RALYL: variants seen among roughly 807,000 people sequenced by gnomAD.
RALYL encodes the protein RNA-binding Raly-like protein.
In RALYL, 29 loss-of-function variants were observed where a neutral mutation model predicts 35.1. The ratio of observed to expected loss-of-function variants is 0.83; its 90% confidence interval spans 0.61 to 1.13. The LOEUF (loss-of-function observed/expected upper bound fraction) is 1.13. RALYL is among the 50% of genes most tolerant of loss of function. RALYL has a pLI of 0.00. For missense variants in RALYL, 359 were observed against 360.4 expected (o/e 1.00, Z 0.03); for synonymous variants, 120 against 127.6 (o/e 0.94, Z 0.40).
At chr8:84,466,886 G>T (rs771609971) in intron 1 of RALYL, among the ~76,000 whole-genome samples, 4 of 151,132 alleles carry the variant, frequency 2.6e-5, no homozygotes, top group African/African-American at 9.7e-5. Context: ...TGTATGTGTC[G>T]AGGAATTTAT....
In RALYL at chr8:84,589,821, T is replaced by A. The variant is rs565667561; in HGVS notation, c.256+60244T>A. 1.4e-3 allele frequency among the ~76,000 whole-genome samples: 219 copies of A among 152,344 alleles called. 1 individual carries two copies. The highest frequency in any genetic ancestry group is 5.0e-3 in the African/African-American group (207 of 41,578). ...GAATGTGAAATAAACTCAGCCACTC[T>A]GTTGTTTAAAATTATTAAAAAGTCA... is the stretch of plus-strand genomic sequence containing the variant. On this transcript the variant is annotated intron_variant, in intron 2 of 8. Transcript: ENST00000521268.
At chr8:84,437,831 T>A (rs2047905978) in intron 1 of RALYL, among the ~76,000 whole-genome samples, 1 of 152,142 alleles carries the variant, frequency 6.6e-6, no homozygotes, top group Non-Finnish European at 1.5e-5. Flanking sequence ...CATCATGTGA[T>A]GTGCTCCCTC....
At chr8:84,886,542 A>T (rs560040765) in intron 7 of RALYL, among the ~76,000 whole-genome samples, 4 of 152,222 alleles carry the variant, frequency 2.6e-5, no homozygotes, top group Non-Finnish European at 5.9e-5. Context: ...AAAATAACCC[A>T]GCAAAATTAG....
chr8:84,186,890 G>T (rs1238568825), intron 1 of RALYL, among the ~76,000 whole-genome samples: 6 of 151,990 alleles, frequency 3.9e-5, no homozygotes, highest in Non-Finnish European at 8.8e-5. Flanking sequence ...TTTAGTTTTT[G>T]ATTTAAAATT....
At chr8:84,369,292 G>GA (rs1428183219) in intron 1 of RALYL, among the ~76,000 whole-genome samples, 1 of 151,012 alleles carries the variant, frequency 6.6e-6, no homozygotes, top group East Asian at 1.9e-4. Context: ...AATTACAGTG[G>GA]AAAAAACTAG....
At chr8:84,907,205 T>G (rs1416175219) in intron 8 of RALYL, among the ~76,000 whole-genome samples, 1 of 152,052 alleles carries the variant, frequency 6.6e-6, no homozygotes. Flanking sequence ...TAAAGCTGTG[T>G]GAATTGAACA....
intron 2 of RALYL, among the ~76,000 whole-genome samples, chr8:84,656,270 T>C (rs1829942313): frequency 6.6e-6 from 1 of 152,146 alleles, no homozygotes; most frequent in Admixed American, 6.6e-5. Context: ...GACAAGTCCC[T>C]TTCTCATATT....
chr8:84,194,999 G>A (rs150257539), intron 1 of RALYL, among the ~76,000 whole-genome samples: 71 of 152,118 alleles, frequency 4.7e-4, no homozygotes, highest in African/African-American at 1.5e-3. Context: ...AGCAACATTT[G>A]TCCAATAAAA....
intron 4 of RALYL, 129 bp from the exon 5 acceptor site, chr8:84,849,851 G>A (rs1163586684): frequency 5.6e-6 from 3 of 536,800 alleles, no homozygotes; most frequent in African/African-American, 2.0e-5. Flanking sequence ...AAGGTCCTTT[G>A]GATGCATAAT....
At chr8:84,499,020 A>G (rs1018461975) in intron 1 of RALYL, among the ~76,000 whole-genome samples, 1 of 152,114 alleles carries the variant, frequency 6.6e-6, no homozygotes, top group Non-Finnish European at 1.5e-5. Context: ...AAAACTATAA[A>G]ATACCCACTG....
intron 1 of RALYL, among the ~76,000 whole-genome samples, chr8:84,213,235 A>G (rs2131195679): frequency 6.6e-6 from 1 of 152,148 alleles, no homozygotes; most frequent in East Asian, 1.9e-4. Context: ...TACTAAAAGT[A>G]CAAAAATTAG....
chr8:84,329,804 G>A (rs1586337549), intron 1 of RALYL, among the ~76,000 whole-genome samples: 1 of 151,986 alleles, frequency 6.6e-6, no homozygotes, highest in Non-Finnish European at 1.5e-5. Context: ...TTAAATGACA[G>A]CCATACTATA....
At chr8:84,249,359 G>C (rs4526357) in intron 1 of RALYL, among the ~76,000 whole-genome samples, 1 of 152,060 alleles carries the variant, frequency 6.6e-6, no homozygotes, top group African/African-American at 2.4e-5. Context: ...CAAGAGTTTA[G>C]ATAAATGTTT....
At chr8:84,685,422 C>T (rs1836561912) in intron 2 of RALYL, among the ~76,000 whole-genome samples, 1 of 152,152 alleles carries the variant, frequency 6.6e-6, no homozygotes, top group Admixed American at 6.5e-5. Context: ...ATCGTCTCCA[C>T]TACCAGCCCT....
At chr8:84,635,576 T>C (rs1824884953) in intron 2 of RALYL, among the ~76,000 whole-genome samples, 3 of 151,766 alleles carry the variant, frequency 2.0e-5, no homozygotes, top group South Asian at 2.1e-4. Context: ...ACAGATACTA[T>C]TGAGAGATTT....
At chr8:84,920,039 T>C (rs551435358) in intron 8 of RALYL, among the ~76,000 whole-genome samples, 1 of 152,190 alleles carries the variant, frequency 6.6e-6, no homozygotes, top group South Asian at 2.1e-4. Context: ...TTCAAAGCTT[T>C]AATAAATAAA....
At chr8:84,321,468 G>C (rs1210628240) in intron 1 of RALYL, among the ~76,000 whole-genome samples, 1 of 152,112 alleles carries the variant, frequency 6.6e-6, no homozygotes, top group Non-Finnish European at 1.5e-5. Flanking sequence ...TAAGTTGCTA[G>C]AGCCTATGGA....
intron 1 of RALYL, among the ~76,000 whole-genome samples, chr8:84,315,831 A>AG (rs893576179): frequency 1.3e-5 from 2 of 151,668 alleles, no homozygotes; most frequent in African/African-American, 4.8e-5. Context: ...AAAAAAAAAA[A>AG]ACTTTCTGAA....
At chr8:84,628,698 A>T (rs1230342281) in intron 2 of RALYL, among the ~76,000 whole-genome samples, 1 of 152,086 alleles carries the variant, frequency 6.6e-6, no homozygotes, top group Admixed American at 6.6e-5. Context: ...GTGCTGCTGA[A>T]GGAAACACCA....
Sources: gnomAD v4.1 joint callset for allele counts (sites outside exome capture counted in the v4.1 genomes callset) on GRCh38, gnomAD v4.1.1 for gene constraint, MANE v1.5 for transcripts, NCBI Gene and HGNC (gene_info 2026-07-23, HGNC 2026-07-21) for gene names.